The following FER1L5 variants were observed in gnomAD, a reference collection of about 807,000 sequenced individuals.
The protein encoded by FER1L5 is fer-1 like family member 5.
In FER1L5, 187 loss-of-function variants were observed where a neutral mutation model predicts 279.9. The observed-to-expected ratio is 0.67, with a 90% CI of 0.59 to 0.75. The LOEUF (loss-of-function observed/expected upper bound fraction) is 0.75. Among genes scored for constraint, FER1L5 ranks in the 30% least tolerant of loss-of-function variants. FER1L5 has a pLI of 0.00. For synonymous variants in FER1L5, 921 were observed against 989.7 expected, an observed-to-expected ratio of 0.93 and a Z score of 1.30; for missense variants, 2,091 against 2,594.4, an observed-to-expected ratio of 0.81 and a Z score of 4.21.
chr2:96,683,814 T>G (rs1218394883), intron 19 of FER1L5, among the ~76,000 whole-genome samples: 1 of 152,234 alleles, frequency 6.6e-6, no homozygotes, highest in African/African-American at 2.4e-5. Flanking sequence ...TCGGCAGCAG[T>G]GCGGTTCAGA....
chr2:96,692,800 G>T (rs1178231569), intron 31 of FER1L5, among the ~76,000 whole-genome samples: 1 of 152,114 alleles, frequency 6.6e-6, no homozygotes, highest in Non-Finnish European at 1.5e-5. Flanking sequence ...CTCCAAGGGA[G>T]CTGTGTCCCT....
In FER1L5 at chr2:96,694,443, G is replaced by A. The variant is rs1421306160; in HGVS notation, c.3720G>A (p.Thr1240=). The change falls in exon 34 of 53, where the codon ACG becomes ACA. Residue 1240 remains threonine (T), a synonymous_variant. Transcript: ENST00000624922. This position sits in a 1 kb window ranked among gnomAD's most constrained non-coding sequence, Gnocchi z 4.6. ...CACTCCCCAAGAGCATCCAGCCCAC[G>A]ATAAAGAGGATGGCCATTGAGGTGC... ...AYTLPKSIQP[T]IKRMAIEILA... 33 of 1,547,428 alleles carry A rather than the reference G, an allele frequency of 2.1e-5. No homozygotes were observed. The highest frequency in any genetic ancestry group is 2.7e-5 in the Non-Finnish European group (31 of 1,144,536).
intron 37 of FER1L5, among the ~76,000 whole-genome samples, chr2:96,696,820 G>A (rs370730969): frequency 1.9e-4 from 29 of 152,248 alleles, no homozygotes; most frequent in East Asian, 1.5e-3. Flanking sequence ...CACAAGAATC[G>A]CTTGAACCCC....
At chr2:96,693,090 T>G (rs2077220927) in intron 31 of FER1L5, among the ~76,000 whole-genome samples, 2 of 151,254 alleles carry the variant, frequency 1.3e-5, no homozygotes, top group African/African-American at 4.9e-5. Context: ...GCAGGAGGAT[T>G]GCTTGAACCC....
intron 2 of FER1L5, 101 bp from the exon 3 acceptor site, chr2:96,646,963 A>G: frequency 8.1e-7 from 1 of 1,227,082 alleles, no homozygotes; most frequent in Non-Finnish European, 1.1e-6. Context: ...AGTCTTAGAG[A>G]AATGCAGTGC....
chr2:96,661,688 T>C lies in FER1L5; in HGVS notation c.915T>C (p.Tyr305=). 2 of 1,551,772 alleles carry C rather than the reference T, an allele frequency of 1.3e-6. No homozygotes were observed. The highest frequency in any genetic ancestry group is 1.7e-6 in the Non-Finnish European group (2 of 1,147,004). Residue 305 remains tyrosine (Y), a synonymous_variant, in exon 12 of 53, where the codon TAT becomes TAC. Coordinates refer to ENST00000624922, the MANE Select transcript of FER1L5 (RefSeq NM_001293083.2). ...TCCAGATAGATCAAAAGCTGCTCTA[T>C]GGCACCGATGACACCGATATTCAGA... ...DQALIDQKLL[Y]GTDDTDIQIF...
At position 96,694,381 on chromosome 2, in the gene FER1L5, C is replaced by T; in HGVS notation, c.3658C>T (p.Pro1220Ser). ...CCAGAAGCTTGGAGAGAAGCAGCTG[C>T]CTATCTTAAGCGTTCCCTGGAAGAA... ...QTEKLGEKQL[P>S]ILSVPWKNGA... is the part of the protein sequence containing the mutation. Residue 1220 changes from proline to serine, a missense_variant, in exon 34 of 53, where the codon CCT becomes TCT. By Grantham distance (74) the Pro-to-Ser change is moderately conservative (BLOSUM62 -1). Coordinates refer to ENST00000624922, the MANE Select transcript of FER1L5 (RefSeq NM_001293083.2). This position sits in a 1 kb window ranked among gnomAD's most constrained non-coding sequence, Gnocchi z 4.6. The T allele has an allele frequency of 6.5e-7, 1 of 1,550,306 alleles. No individual in the cohort carries two copies. The highest frequency in any genetic ancestry group is 1.4e-5 in the African/African-American group (1 of 73,148).
At chr2:96,681,612 G>T (rs536371756) in intron 19 of FER1L5, among the ~76,000 whole-genome samples, 1 of 151,744 alleles carries the variant, frequency 6.6e-6, no homozygotes, top group Non-Finnish European at 1.5e-5. Flanking sequence ...AAATCATATC[G>T]TGGTTTCTTT....
At chr2:96,703,447 T>A (rs1233646604) in intron 50 of FER1L5, 76 bp from the exon 51 acceptor site, 7 of 1,607,192 alleles carry the variant, frequency 4.4e-6, no homozygotes, top group Non-Finnish European at 5.1e-6. Context: ...CCTTTCTTGA[T>A]CCCGGGAAGA....
intron 18 of FER1L5, among the ~76,000 whole-genome samples, chr2:96,672,414 C>T (rs1218627649): frequency 6.6e-6 from 1 of 152,058 alleles, no homozygotes. Context: ...GAAATGAGAA[C>T]AGGTGGTAGC....
chr2:96,650,881 G>A (rs564158155), intron 6 of FER1L5, among the ~76,000 whole-genome samples: 2 of 152,158 alleles, frequency 1.3e-5, no homozygotes, highest in Non-Finnish European at 1.5e-5. Flanking sequence ...AGCTCTTAAC[G>A]TCACCCACTG....
rs2075967613 is a variant in FER1L5, at chr2:96,661,899, G to T, written c.1018+108G>T. On this transcript the variant is annotated intron_variant, in intron 12 of 52. Transcript: ENST00000624922. ...TCCTTTTGGCACTAAACTACTGTTT[G>T]GGGTAGGGGGGACAGGGTGAGACTG... 12 of 1,434,770 alleles carry T rather than the reference G, an allele frequency of 8.4e-6. No homozygotes were observed. The East Asian group carries it at 3.0e-4, about 36-fold the overall frequency. 88.9% of individuals were successfully genotyped at this position (1,434,770 alleles called of 1,614,324 possible). A position where few individuals can be genotyped will look rare whatever the true frequency, so the allele number is the denominator to read the frequency against.
chr2:96,660,503 A>C (rs1395537118), intron 10 of FER1L5, 132 bp downstream of exon 10: 1 of 774,882 alleles, frequency 1.3e-6, no homozygotes, highest in Non-Finnish European at 2.1e-6. Flanking sequence ...TATTTTCTGT[A>C]TTTGGTAATA....
intron 36 of FER1L5, 49 bp downstream of exon 36, chr2:96,695,953 C>T: frequency 6.2e-7 from 1 of 1,607,972 alleles, no homozygotes; most frequent in Non-Finnish European, 8.5e-7. Flanking sequence ...AGCGAGCCTG[C>T]ACTGGGAGTG....
intron 8 of FER1L5, 152 bp downstream of exon 8, chr2:96,653,854 AT>A: frequency 1.6e-6 from 1 of 619,864 alleles, no homozygotes; most frequent in Non-Finnish European, 2.8e-6. Flanking sequence ...TGGCACCCAG[AT>A]TATTCATTCA....
chr2:96,649,215 T>C (rs1316450105), intron 4 of FER1L5, among the ~76,000 whole-genome samples: 1 of 152,008 alleles, frequency 6.6e-6, no homozygotes, highest in Non-Finnish European at 1.5e-5. Context: ...AATGGGAGCA[T>C]ATGAAGGAAG....
intron 1 of FER1L5, among the ~76,000 whole-genome samples, chr2:96,643,774 G>A (rs1328913993): frequency 2.0e-5 from 3 of 151,216 alleles, no homozygotes; most frequent in Admixed American, 6.6e-5. Context: ...TCCCAAGAAG[G>A]AAGGGAAAGA....
Position 96,698,310 on chromosome 2 carries a change from AG to A in FER1L5, c.4356+156del, listed in dbSNP as rs1474381186. ...TGGAGGAGCAGAGATTCGCCTCCACAGGAACTCGGGGAGCGCTCCCCTTCCC... is the reference window on the plus strand; with the variant it reads ...TGGAGGAGCAGAGATTCGCCTCCACAGAACTCGGGGAGCGCTCCCCTTCCC... On this transcript the variant is annotated intron_variant, in intron 40 of 52. Transcript: ENST00000624922. This position sits in a 1 kb window ranked among gnomAD's most constrained non-coding sequence, Gnocchi z 5.5. Among the ~76,000 whole-genome samples the A allele has an allele frequency of 6.6e-5, 10 of 152,204 alleles. No individual in the cohort carries two copies. Among genetic ancestry groups the A allele is most frequent in the African/African-American group, 2.4e-4 (10 of 41,452 alleles).
At chr2:96,658,650 G>A (rs942322157) in intron 9 of FER1L5, among the ~76,000 whole-genome samples, 1 of 152,116 alleles carries the variant, frequency 6.6e-6, no homozygotes, top group Non-Finnish European at 1.5e-5. Context: ...GTGTATTAGA[G>A]TTTCAGTTGC....
Sources: gnomAD v4.1 joint callset for allele counts (sites outside exome capture counted in the v4.1 genomes callset) on GRCh38, gnomAD v4.1.1 for gene constraint, Gnocchi (gnomAD v3.1) non-coding constraint, MANE v1.5 for transcripts, NCBI Gene and HGNC (gene_info 2026-07-23, HGNC 2026-07-21) for gene names.